The following TMCO5A variants were observed in gnomAD, a reference collection of about 807,000 sequenced individuals.
The protein encoded by TMCO5A is transmembrane and coiled-coil domain-containing protein 5A.
In TMCO5A, 34 loss-of-function variants were observed where a neutral mutation model predicts 42.3. The ratio of observed to expected loss-of-function variants is 0.80; its 90% CI spans 0.61 to 1.07. The LOEUF (loss-of-function observed/expected upper bound fraction) is 1.07. TMCO5A is among the 50% of genes least tolerant of loss of function. The probability of loss-of-function intolerance (pLI) is 0.00; values close to 1 mark genes in which losing one functional copy is unlikely to be tolerated. For synonymous variants in TMCO5A, 131 were observed against 115.6 expected (o/e 1.13, Z -0.86); for missense variants, 357 against 327.9 (o/e 1.09, Z -0.69).
At chr15:38,032,597 T>A in the TMCO5A span, among the ~76,000 whole-genome samples, 1 of 152,178 alleles carries the variant, frequency 6.6e-6, no homozygotes, top group Non-Finnish European at 1.5e-5. Context: ...TCCACTGACA[T>A]AAAATCCAGT....
At chr15:38,035,179 T>G in the TMCO5A span, among the ~76,000 whole-genome samples, 2 of 152,218 alleles carry the variant, frequency 1.3e-5, no homozygotes, top group Non-Finnish European at 2.9e-5. Flanking sequence ...TGCATGAAGC[T>G]CAGAGGAGCC....
chr15:38,011,892 A>C, the TMCO5A span, among the ~76,000 whole-genome samples: 22 of 152,240 alleles, frequency 1.4e-4, no homozygotes, highest in South Asian at 8.3e-4. Context: ...TGGGAGGCCA[A>C]GGCGGGCAGA....
the TMCO5A span, among the ~76,000 whole-genome samples, chr15:37,980,349 G>A: frequency 6.6e-6 from 1 of 152,178 alleles, no homozygotes; most frequent in South Asian, 2.1e-4. Flanking sequence ...AGGAAGCCAC[G>A]TGTGCCTGAG....
At chr15:38,003,812 C>A in the TMCO5A span, among the ~76,000 whole-genome samples, 1 of 151,914 alleles carries the variant, frequency 6.6e-6, no homozygotes, top group African/African-American at 2.4e-5. Flanking sequence ...CCTCTGTGGC[C>A]CAGGAAGGAT....
At chr15:37,990,550 G>C in the TMCO5A span, among the ~76,000 whole-genome samples, 6 of 152,010 alleles carry the variant, frequency 3.9e-5, no homozygotes, top group Non-Finnish European at 7.4e-5. Context: ...GATCATGTGT[G>C]TGTGGGATTT....
At chr15:37,982,433 A>G in the TMCO5A span, among the ~76,000 whole-genome samples, 1 of 139,656 alleles carries the variant, frequency 7.2e-6, no homozygotes, top group East Asian at 2.0e-4. Context: ...ATATATTACA[A>G]TTATATACAA....
At chr15:38,009,315 C>T in the TMCO5A span, among the ~76,000 whole-genome samples, 8 of 152,180 alleles carry the variant, frequency 5.3e-5, no homozygotes, top group Non-Finnish European at 1.2e-4. Context: ...CAATCAGTTC[C>T]CCTAAAGAGC....
chr15:37,973,473 A>G, the TMCO5A span, among the ~76,000 whole-genome samples: 2 of 152,000 alleles, frequency 1.3e-5, no homozygotes, highest in Non-Finnish European at 2.9e-5. Flanking sequence ...TGTAATTCTC[A>G]TTGTAGAAAT....
intron 10 of TMCO5A, 183 bp downstream of exon 10, chr15:37,943,581 C>A: frequency 1.8e-6 from 1 of 562,722 alleles, no homozygotes; most frequent in Non-Finnish European, 3.1e-6. Context: ...AAGGAACAAT[C>A]TACTTTCTTC....
downstream of TMCO5A, among the ~76,000 whole-genome samples, chr15:37,968,351 T>TCAC (rs1268368675): frequency 6.6e-6 from 1 of 152,050 alleles, no homozygotes; most frequent in Non-Finnish European, 1.5e-5. Flanking sequence ...TTCCAAAGAC[T>TCAC]CACCACCCAA....
At chr15:37,991,632 A>G in the TMCO5A span, among the ~76,000 whole-genome samples, 1 of 152,048 alleles carries the variant, frequency 6.6e-6, no homozygotes, top group Admixed American at 6.6e-5. Context: ...CTTTTCTTCC[A>G]ATAGTCTTAT....
At position 37,936,969 on chromosome 15, in the gene TMCO5A, T is replaced by G. The variant is rs1449591266; in HGVS notation, c.263T>G (p.Leu88Arg). The G allele has an allele frequency of 1.2e-6, 2 of 1,611,964 alleles. No homozygotes were observed. The highest frequency in any genetic ancestry group is 4.5e-5 in the East Asian group (2 of 44,762). Residue 88 changes from leucine (L) to arginine (R), a missense_variant and splice_region_variant, in exon 4 of 12, where the codon CTT becomes CGT. Transcript: ENST00000319669. The part of the protein sequence containing the change: ...LQELEEETAR[L>R]ERKNKTLVHS... ...GAGCTGGAGGAAGAAACAGCCAGAC[T>G]TGTAAGCAAGAAGTTGGGAAGAGCC... is the stretch of plus-strand genomic sequence containing the variant.
At chr15:38,019,140 A>T in the TMCO5A span, among the ~76,000 whole-genome samples, 1 of 152,178 alleles carries the variant, frequency 6.6e-6, no homozygotes, top group Non-Finnish European at 1.5e-5. Context: ...AAAGAGGAAG[A>T]TGTGAAACTA....
At chr15:37,992,264 GTCAT>G in the TMCO5A span, among the ~76,000 whole-genome samples, 1 of 152,028 alleles carries the variant, frequency 6.6e-6, no homozygotes, top group Non-Finnish European at 1.5e-5. Context: ...AATATCACTG[GTCAT>G]TAGAGAAATG....
At chr15:37,998,711 AT>A in the TMCO5A span, among the ~76,000 whole-genome samples, 23 of 148,802 alleles carry the variant, frequency 1.5e-4, no homozygotes, top group East Asian at 4.0e-4. Flanking sequence ...AAATTTTAGG[AT>A]TTTTTTTTTA....
chr15:37,935,726 A>G (rs1486199863), intron 2 of TMCO5A, among the ~76,000 whole-genome samples: 2 of 152,134 alleles, frequency 1.3e-5, no homozygotes, highest in Non-Finnish European at 2.9e-5. Flanking sequence ...CATTTTTGAA[A>G]GCTATGCCTA....
chr15:37,986,852 T>A, the TMCO5A span, among the ~76,000 whole-genome samples: 1 of 152,086 alleles, frequency 6.6e-6, no homozygotes, highest in Admixed American at 6.6e-5. Context: ...CTATGGTGAA[T>A]AATGCTGCTA....
At chr15:37,949,704 A>G (rs1399465397) in intron 11 of TMCO5A, among the ~76,000 whole-genome samples, 4 of 148,354 alleles carry the variant, frequency 2.7e-5, no homozygotes, top group African/African-American at 1.1e-4. Context: ...AAAGATGTAA[A>G]TGCTAAAAAA....
chr15:37,965,533 G>T (rs980997123), intron 11 of TMCO5A, among the ~76,000 whole-genome samples: 4 of 152,008 alleles, frequency 2.6e-5, no homozygotes, highest in African/African-American at 7.2e-5. Flanking sequence ...AATAACCAGG[G>T]TATATAAGGA....
Sources: allele counts gnomAD v4.1 joint callset (sites outside exome capture counted in the v4.1 genomes callset), GRCh38; gene constraint gnomAD v4.1.1; transcripts MANE v1.5; gene names NCBI Gene and HGNC (gene_info 2026-07-23, HGNC 2026-07-21).